The following WDFY1 variants were observed in gnomAD, a reference collection of about 807,000 sequenced individuals.
WDFY1 encodes the protein WD repeat and FYVE domain containing 1.
WDFY1 carries 32 observed loss-of-function variants against 56.4 expected under a neutral mutation model. That is an observed-to-expected ratio of 0.57 (90% CI 0.43 to 0.76). The LOEUF (loss-of-function observed/expected upper bound fraction) is 0.76, where lower values mean the gene tolerates loss of function less well. Ranked by LOEUF, WDFY1 falls within the 30% of genes least tolerant of loss-of-function variation. WDFY1 has a pLI of 0.00. For synonymous variants in WDFY1, 192 were observed against 197.3 expected (o/e 0.97, Z 0.23); for missense variants, 480 against 545.7 (o/e 0.88, Z 1.20).
intron 5 of WDFY1, 37 bp from the exon 6 acceptor site, chr2:223,899,107 A>G (rs748773987): frequency 6.5e-7 from 1 of 1,543,056 alleles, no homozygotes; most frequent in African/African-American, 1.4e-5. Context: ...AACAGAAATC[A>G]CCTGAAAGTC....
intron 1 of WDFY1, among the ~76,000 whole-genome samples, chr2:223,944,863 G>A (rs1689380641): frequency 6.6e-6 from 1 of 151,208 alleles, no homozygotes; most frequent in Non-Finnish European, 1.5e-5. Context: ...CTTGGGCGGC[G>A]CGGTGAGACG....
At chr2:223,928,511 C>T (rs1466695096) in intron 1 of WDFY1, among the ~76,000 whole-genome samples, 3 of 152,138 alleles carry the variant, frequency 2.0e-5, no homozygotes, top group Non-Finnish European at 4.4e-5. Context: ...TGACCGACCT[C>T]CCCAGTGAGC....
At chr2:223,943,618 T>A (rs1358658724) in intron 1 of WDFY1, among the ~76,000 whole-genome samples, 1 of 152,220 alleles carries the variant, frequency 6.6e-6, no homozygotes, top group Non-Finnish European at 1.5e-5. Flanking sequence ...TTAAGACGGC[T>A]CATTGCATCA....
At chr2:223,937,487 C>T (rs1304555182) in intron 1 of WDFY1, among the ~76,000 whole-genome samples, 1 of 152,180 alleles carries the variant, frequency 6.6e-6, no homozygotes, top group Non-Finnish European at 1.5e-5. Flanking sequence ...GTGCTAGGCA[C>T]TGTTCCACGT....
At chr2:223,905,024 A>T (rs1330915336) in intron 4 of WDFY1, among the ~76,000 whole-genome samples, 1 of 152,260 alleles carries the variant, frequency 6.6e-6, no homozygotes. Context: ...CTCCCTGGGA[A>T]TATGCGTAAA....
chr2:223,939,362 G>T (rs1689259352), intron 1 of WDFY1, among the ~76,000 whole-genome samples: 1 of 152,092 alleles, frequency 6.6e-6, no homozygotes, highest in Non-Finnish European at 1.5e-5. Flanking sequence ...GACATTTGGG[G>T]CTCAATAATC....
At chr2:223,899,915 T>C (rs923380296) in intron 5 of WDFY1, among the ~76,000 whole-genome samples, 4 of 152,184 alleles carry the variant, frequency 2.6e-5, no homozygotes, top group African/African-American at 9.7e-5. Flanking sequence ...CTAGAGAATT[T>C]AGCTATAAAT....
chr2:223,930,882 A>G (rs552893145), intron 1 of WDFY1, among the ~76,000 whole-genome samples: 7 of 152,354 alleles, frequency 4.6e-5, no homozygotes, highest in African/African-American at 1.4e-4. Context: ...AGCTAAGCTC[A>G]GCAGAGCTGG....
chr2:223,928,138 A>G (rs1204093404), intron 1 of WDFY1, among the ~76,000 whole-genome samples: 1 of 152,212 alleles, frequency 6.6e-6, no homozygotes, highest in Admixed American at 6.5e-5. Flanking sequence ...TATAATAATA[A>G]AGTTTGGAAT....
intron 1 of WDFY1, among the ~76,000 whole-genome samples, chr2:223,933,025 T>A (rs1016132660): frequency 5.9e-5 from 9 of 152,294 alleles, no homozygotes; most frequent in Middle Eastern, 3.4e-3. Context: ...TCTGCCCTGT[T>A]CATTCTTGCT....
At chr2:223,907,055 ACCTCTG>A (rs1396287943) in intron 3 of WDFY1, among the ~76,000 whole-genome samples, 5 of 151,802 alleles carry the variant, frequency 3.3e-5, no homozygotes, top group Admixed American at 6.6e-5. Context: ...GCTCACTGTA[ACCTCTG>A]CCTCCTGGGT....
In WDFY1 at chr2:223,911,566, CCACACACACACACACACACACACA is replaced by C. The variant is rs58131865; in HGVS notation, c.279+663_279+686del. On this transcript the variant is annotated intron_variant, in intron 3 of 11. Transcript: ENST00000233055. ...GTTCTGTGAGTTGCTAGCTGAATGA[CCACACACACACACACACACACACA>C]CACACACACACACACACACACACAC... Among the ~76,000 whole-genome samples the C allele has an allele frequency of 1.1e-4, 15 of 136,036 alleles. No homozygotes were observed. The South Asian group carries it at 1.3e-3, about 12-fold the overall frequency. The allele number at this position is 136,036 out of a possible 152,430, so 89.2% of individuals were successfully genotyped here.
chr2:223,904,226 T>G (rs561572359), intron 4 of WDFY1, among the ~76,000 whole-genome samples: 7 of 152,274 alleles, frequency 4.6e-5, no homozygotes, highest in African/African-American at 1.7e-4. Context: ...TGTATGGTCA[T>G]TGTTATATCA....
intron 1 of WDFY1, among the ~76,000 whole-genome samples, chr2:223,933,804 A>C (rs2106102247): frequency 6.6e-6 from 1 of 151,574 alleles, no homozygotes; most frequent in South Asian, 2.1e-4. Flanking sequence ...TCTACAAAAA[A>C]AAATCAAAAA....
In WDFY1 at chr2:223,895,555, A is replaced by T. The variant is rs777497054; in HGVS notation, c.674T>A (p.Met225Lys). 1 of 1,614,042 alleles carries T rather than the reference A, an allele frequency of 6.2e-7. No homozygotes were observed. The highest frequency in any genetic ancestry group is 8.5e-7 in the Non-Finnish European group (1 of 1,179,960). The change falls in exon 7 of 12, where the codon ATG becomes AAG. Residue 225 changes from methionine (M) to lysine (K), a missense_variant. Physicochemically the swap from Met to Lys is moderately conservative, Grantham distance 95. Coordinates refer to ENST00000233055, the MANE Select transcript of WDFY1 (RefSeq NM_020830.5). ...FSGASDNSIIMWDIGGRKGRT... is the reference protein window; with the variant it reads ...FSGASDNSIIKWDIGGRKGRT... Reference sequence around the variant, plus strand: ...GCCTTTCCTTCCTCCGATGTCCCACATGATGATGCTGTTGTCAGATGCTCC... The same window carrying T: ...GCCTTTCCTTCCTCCGATGTCCCACTTGATGATGCTGTTGTCAGATGCTCC...
At chr2:223,895,327 CTAA>C (rs1559165198) in intron 7 of WDFY1, among the ~76,000 whole-genome samples, 174 bp downstream of exon 7, 1 of 152,160 alleles carries the variant, frequency 6.6e-6, no homozygotes, top group Non-Finnish European at 1.5e-5. Flanking sequence ...TTTTTTGCTA[CTAA>C]ACATCAGACA....
At chr2:223,898,863 T>G in intron 6 of WDFY1, 95 bp downstream of exon 6, 1 of 921,484 alleles carries the variant, frequency 1.1e-6, no homozygotes, top group South Asian at 1.5e-5. Flanking sequence ...TGACAGATCA[T>G]GAGGAACACA....
intron 5 of WDFY1, chr2:223,899,340 C>T (rs1693461144): frequency 3.0e-6 from 1 of 331,538 alleles, no homozygotes; most frequent in South Asian, 4.4e-5. Flanking sequence ...GTGCCTGTTA[C>T]TATATCAAGC....
At chr2:223,906,043 G>A (rs1438446325) in intron 3 of WDFY1, 42 bp from the exon 4 acceptor site, 2 of 1,445,264 alleles carry the variant, frequency 1.4e-6, no homozygotes, top group African/African-American at 1.4e-5. Context: ...AAGAGTTATG[G>A]TTTTAAAAAA....
Sources: gnomAD v4.1 joint callset for allele counts (sites outside exome capture counted in the v4.1 genomes callset) on GRCh38, gnomAD v4.1.1 for gene constraint, MANE v1.5 for transcripts, NCBI Gene and HGNC (gene_info 2026-07-23, HGNC 2026-07-21) for gene names.